Variants in DISC1 observed in about 807,000 individuals in gnomAD.
The protein encoded by DISC1 is DISC1 scaffold protein.
DISC1 carries 57 observed loss-of-function variants against 84.5 expected under a neutral mutation model. That is an observed-to-expected ratio of 0.67 (90% CI 0.55 to 0.84). DISC1 has a LOEUF of 0.84. DISC1 is among the 40% of genes least tolerant of loss of function. The probability of loss-of-function intolerance (pLI) is 0.00; values close to 1 mark genes in which losing one functional copy is unlikely to be tolerated. For missense variants in DISC1, 1,000 were observed against 1,057.8 expected (o/e 0.95, Z 0.76); for synonymous variants, 411 against 415.2 (o/e 0.99, Z 0.12).
chr1:231,662,852 A>G (rs1456929566), intron 1 of DISC1, among the ~76,000 whole-genome samples: 1 of 152,236 alleles, frequency 6.6e-6, no homozygotes, highest in Non-Finnish European at 1.5e-5. Context: ...TCTGTAAAAA[A>G]AAGGTCAACA....
chr1:231,915,875 A>G (rs543957579), intron 9 of DISC1, among the ~76,000 whole-genome samples: 63 of 152,334 alleles, frequency 4.1e-4, no homozygotes, highest in African/African-American at 1.3e-3. Context: ...GGCCAGGCTC[A>G]GTCCTCTGCT....
chr1:231,787,296 C>T (rs576994639), intron 6 of DISC1, among the ~76,000 whole-genome samples: 8 of 152,068 alleles, frequency 5.3e-5, no homozygotes, highest in Non-Finnish European at 1.2e-4. Flanking sequence ...CTTCTGGAGG[C>T]TTGGAAGTCC....
intron 10 of DISC1, among the ~76,000 whole-genome samples, chr1:231,968,726 T>C (rs1385164572): frequency 6.6e-6 from 1 of 152,038 alleles, no homozygotes; most frequent in Non-Finnish European, 1.5e-5. Context: ...CTCCCTGTGG[T>C]CGATCTGGAA....
intron 9 of DISC1, among the ~76,000 whole-genome samples, chr1:231,950,215 T>TGA (rs1553405387): frequency 7.0e-6 from 1 of 143,586 alleles, no homozygotes; most frequent in African/African-American, 2.5e-5. Context: ...TGTGTGTGTG[T>TGA]GTGTGTGTGT....
intron 6 of DISC1, among the ~76,000 whole-genome samples, chr1:231,778,322 C>T (rs1259838318): frequency 1.3e-5 from 2 of 152,192 alleles, no homozygotes; most frequent in Non-Finnish European, 2.9e-5. Flanking sequence ...AACTGGGTGG[C>T]GTGGAAGGTC....
intron 3 of DISC1, among the ~76,000 whole-genome samples, chr1:231,713,911 TATAGTC>T (rs1450421136): frequency 5.3e-5 from 8 of 150,420 alleles, no homozygotes; most frequent in East Asian, 3.9e-4. Flanking sequence ...CACTGCAAGT[TATAGTC>T]AGAGCAAAAT....
chr1:231,937,231 C>G (rs767208727), intron 9 of DISC1, among the ~76,000 whole-genome samples: 9 of 152,158 alleles, frequency 5.9e-5, no homozygotes, highest in Non-Finnish European at 1.3e-4. Flanking sequence ...AATGGTTTCT[C>G]TGGGATCCTT....
chr1:231,965,938 G>T (rs997051107), intron 10 of DISC1, among the ~76,000 whole-genome samples: 3 of 152,218 alleles, frequency 2.0e-5, no homozygotes, highest in Non-Finnish European at 4.4e-5. Context: ...CTATTAGACT[G>T]TGAGCTCCTT....
In DISC1 at chr1:231,657,200, A is replaced by G. The variant is rs1243387314; in HGVS notation, c.67+30266A>G. On this transcript the variant is annotated intron_variant, in intron 1 of 12. Transcript: ENST00000439617. ...TGGTACGCCTCTAGGTCTTTGAGGA[A>G]TCACTACACTGTCTTCCACAATGGT... Among the ~76,000 whole-genome samples the G allele has an allele frequency of 2.6e-5, 4 of 152,228 alleles. No homozygotes were observed. In the East Asian group the frequency reaches 5.8e-4, roughly 22 times the overall value.
chr1:231,890,818 A>G (rs2087150057), intron 9 of DISC1, among the ~76,000 whole-genome samples: 1 of 152,226 alleles, frequency 6.6e-6, no homozygotes, highest in African/African-American at 2.4e-5. Flanking sequence ...CTTACTGATC[A>G]TTCCTCCTGA....
At chr1:231,776,185 G>A (rs1573722280) in intron 6 of DISC1, among the ~76,000 whole-genome samples, 1 of 152,126 alleles carries the variant, frequency 6.6e-6, no homozygotes, top group Admixed American at 6.6e-5. Context: ...TATGGCTAAC[G>A]GCAAAGTGAG....
intron 6 of DISC1, among the ~76,000 whole-genome samples, chr1:231,774,090 T>C (rs1015749840): frequency 2.0e-5 from 3 of 151,444 alleles, no homozygotes; most frequent in Admixed American, 1.3e-4. Flanking sequence ...AATAAAAAAA[T>C]AAAAATAAAA....
intron 4 of DISC1, among the ~76,000 whole-genome samples, chr1:231,759,526 CAAAA>C (rs767431903): frequency 2.1e-5 from 1 of 48,298 alleles, no homozygotes; most frequent in African/African-American, 9.1e-5. Flanking sequence ...CCCATCTCTA[CAAAA>C]AAAAAAAAAA....
At chr1:232,020,308 C>G (rs1031268767) in intron 11 of DISC1, among the ~76,000 whole-genome samples, 2 of 152,144 alleles carry the variant, frequency 1.3e-5, no homozygotes, top group African/African-American at 4.8e-5. Flanking sequence ...CGCCATTGCA[C>G]TCCAGCCTGG....
chr1:232,026,784 TGATGCC>T (rs1669516636), intron 12 of DISC1, among the ~76,000 whole-genome samples: 1 of 100,914 alleles, frequency 9.9e-6, no homozygotes. Flanking sequence ...TTTTTTTTTT[TGATGCC>T]TTGGCTGGAG....
intron 9 of DISC1, among the ~76,000 whole-genome samples, chr1:231,924,744 C>T (rs1572094140): frequency 6.6e-6 from 1 of 151,760 alleles, no homozygotes; most frequent in Admixed American, 6.6e-5. Context: ...GCAACCTCCA[C>T]CTCCCGGGTT....
chr1:232,018,088 AG>A (rs149483576), intron 11 of DISC1, among the ~76,000 whole-genome samples: 3,635 of 152,310 alleles, frequency 0.024, 150 homozygotes, highest in African/African-American at 0.082. Context: ...TGGCAGCCAC[AG>A]TAGTACCTGC....
intron 1 of DISC1, among the ~76,000 whole-genome samples, chr1:231,674,316 G>A (rs916317202): frequency 6.6e-6 from 1 of 151,902 alleles, no homozygotes; most frequent in African/African-American, 2.4e-5. Context: ...CCATTTTGAA[G>A]CTTTGTAATT....
chr1:231,790,351 A>G (rs2078238449), intron 6 of DISC1, among the ~76,000 whole-genome samples: 1 of 152,070 alleles, frequency 6.6e-6, no homozygotes, highest in Non-Finnish European at 1.5e-5. Context: ...TAGACAACAG[A>G]AATTTATTTT....
Sources: allele counts gnomAD v4.1 joint callset (sites outside exome capture counted in the v4.1 genomes callset), GRCh38; gene constraint gnomAD v4.1.1; transcripts MANE v1.5; gene names NCBI Gene and HGNC (gene_info 2026-07-23, HGNC 2026-07-21).